The following MTUS2 variants were observed in gnomAD, a reference collection of about 807,000 sequenced individuals.
The protein encoded by MTUS2 is microtubule associated scaffold protein 2.
MTUS2 carries 40 observed loss-of-function variants against 114.1 expected under a neutral mutation model. That is an observed-to-expected ratio of 0.35 (90% CI 0.27 to 0.46). The LOEUF (loss-of-function observed/expected upper bound fraction) is 0.46, where lower values mean the gene tolerates loss of function less well. MTUS2 is among the 20% of genes least tolerant of loss of function. MTUS2 has a pLI of 1.00. For missense variants in MTUS2, 1,679 were observed against 1,705.4 expected, an observed-to-expected ratio of 0.98 and a Z score of 0.27; for synonymous variants, 688 against 672.0, an observed-to-expected ratio of 1.02 and a Z score of -0.37.
intron 6 of MTUS2, among the ~76,000 whole-genome samples, chr13:29,301,226 T>C (rs1365756562): frequency 6.6e-6 from 1 of 152,144 alleles, no homozygotes; most frequent in African/African-American, 2.4e-5. Flanking sequence ...TGTTATTCTC[T>C]TGCCTAGGAC....
intron 5 of MTUS2, chr13:29,242,704 G>A (rs1460533115): frequency 1.3e-5 from 2 of 152,156 alleles, no homozygotes; most frequent in African/African-American, 2.4e-5. Context: ...GGATCCTAAA[G>A]ATGAAAAAAT....
At chr13:28,980,035 C>G (rs1027509833) in intron 2 of MTUS2, among the ~76,000 whole-genome samples, 3 of 152,086 alleles carry the variant, frequency 2.0e-5, no homozygotes, top group African/African-American at 7.2e-5. Context: ...AAGGAACTTT[C>G]TTATGCTTAG....
chr13:29,079,860 T>A (rs888587276), intron 4 of MTUS2, among the ~76,000 whole-genome samples: 1 of 152,174 alleles, frequency 6.6e-6, no homozygotes, highest in African/African-American at 2.4e-5. Flanking sequence ...TTTTTCAAGA[T>A]TATTTTGGCT....
chr13:29,431,458 A>T (rs1334971668), intron 8 of MTUS2, among the ~76,000 whole-genome samples: 1 of 152,204 alleles, frequency 6.6e-6, no homozygotes, highest in Non-Finnish European at 1.5e-5. Flanking sequence ...CAGAGAACTT[A>T]TAAGTGGGTA....
Position 29,281,821 on chromosome 13 carries a change from G to A in MTUS2, c.2762G>A (p.Arg921His), listed in dbSNP as rs989808191. The change falls in exon 6 of 16, where the codon CGC (arginine) becomes CAC (histidine). Residue 921 changes from arginine to histidine, a missense_variant. By Grantham distance (29) the Arg-to-His change is conservative. This residue lies in a region of MTUS2 where 822 missense variants were observed against 899.7 expected (regional missense o/e 0.91). Coordinates refer to ENST00000612955, the MANE Select transcript of MTUS2 (RefSeq NM_001033602.4). ...PPASSSVTAP[R>H]RSLLPAPKST... is the part of the protein sequence containing the mutation. The stretch of plus-strand genomic sequence containing the variant: ...GCATCCTCCAGTGTGACAGCACCCC[G>A]CAGGAGTTTACTTCCAGCGCCAAAA... 1.1e-5 allele frequency: 18 copies of A among 1,609,016 alleles called. No individual in the cohort carries two copies. The highest frequency in any genetic ancestry group is 2.2e-5 in the South Asian group (2 of 90,750).
chr13:28,957,026 G>C (rs1413450740), intron 2 of MTUS2, among the ~76,000 whole-genome samples: 1 of 152,192 alleles, frequency 6.6e-6, no homozygotes, highest in Non-Finnish European at 1.5e-5. Flanking sequence ...AAGGAAGAAG[G>C]CTGCCCTAGA....
At chr13:29,225,379 A>G (rs1245527033) in intron 5 of MTUS2, among the ~76,000 whole-genome samples, 2 of 152,256 alleles carry the variant, frequency 1.3e-5, no homozygotes, top group Non-Finnish European at 2.9e-5. Context: ...GATTTAAAAA[A>G]ATAATTTCCA....
intron 9 of MTUS2, among the ~76,000 whole-genome samples, chr13:29,461,860 G>A (rs867853286): frequency 1.3e-5 from 2 of 152,296 alleles, no homozygotes; most frequent in Non-Finnish European, 2.9e-5. Context: ...TGGCTAAGGC[G>A]CTCTATGGAC....
intron 5 of MTUS2, among the ~76,000 whole-genome samples, chr13:29,271,536 T>C (rs1897881701): frequency 6.6e-6 from 1 of 152,170 alleles, no homozygotes; most frequent in Non-Finnish European, 1.5e-5. Context: ...CATATCCCCT[T>C]GGGCTGAGCT....
At chr13:28,967,211 T>C (rs965810976) in intron 2 of MTUS2, among the ~76,000 whole-genome samples, 1 of 152,186 alleles carries the variant, frequency 6.6e-6, no homozygotes, top group African/African-American at 2.4e-5. Flanking sequence ...ACAAAATAAA[T>C]TTAACTTCTT....
At chr13:29,417,869 C>T (rs1875779658) in intron 8 of MTUS2, among the ~76,000 whole-genome samples, 1 of 152,088 alleles carries the variant, frequency 6.6e-6, no homozygotes, top group African/African-American at 2.4e-5. Flanking sequence ...TCTGTATCTG[C>T]TTATTCAGTT....
At chr13:29,215,474 GTT>G (rs71090232) in intron 5 of MTUS2, among the ~76,000 whole-genome samples, 8,253 of 129,756 alleles carry the variant, frequency 0.064, 281 homozygotes, top group South Asian at 0.1. Flanking sequence ...TTTTTTTGCT[GTT>G]TTTTTTTTTT....
chr13:29,181,610 T>C (rs1894007583), intron 5 of MTUS2, among the ~76,000 whole-genome samples: 1 of 152,182 alleles, frequency 6.6e-6, no homozygotes, highest in Admixed American at 6.5e-5. Context: ...GAGATTTGTT[T>C]AATATATATG....
At chr13:29,064,924 A>T (rs1343074997) in intron 4 of MTUS2, among the ~76,000 whole-genome samples, 1 of 152,212 alleles carries the variant, frequency 6.6e-6, no homozygotes, top group Admixed American at 6.5e-5. Flanking sequence ...AGTGACCTCT[A>T]GCTCCATCCA....
At chr13:29,132,360 A>T (rs754205423) in intron 5 of MTUS2, among the ~76,000 whole-genome samples, 52 of 152,148 alleles carry the variant, frequency 3.4e-4, no homozygotes, top group Non-Finnish European at 5.9e-4. Flanking sequence ...CATGTTTGTT[A>T]TTGTGGTAGA....
At chr13:28,963,547 T>C (rs1383044822) in intron 2 of MTUS2, among the ~76,000 whole-genome samples, 3 of 152,208 alleles carry the variant, frequency 2.0e-5, no homozygotes, top group Non-Finnish European at 2.9e-5. Context: ...ATATATAGTG[T>C]ATCTCTGTGT....
At chr13:28,986,784 A>G (rs1003304400) in intron 2 of MTUS2, among the ~76,000 whole-genome samples, 1 of 152,202 alleles carries the variant, frequency 6.6e-6, no homozygotes, top group African/African-American at 2.4e-5. Context: ...TCCACTAGGG[A>G]GCCACTGGTC....
intron 6 of MTUS2, 121 bp from the exon 7 acceptor site, chr13:29,324,492 C>G: frequency 1.5e-6 from 1 of 677,184 alleles, no homozygotes; most frequent in African/African-American, 1.8e-5. Context: ...ACAAATCACC[C>G]AAATATTTCT....
chr13:29,061,235 T>C (rs1225613598), intron 4 of MTUS2, among the ~76,000 whole-genome samples: 3 of 152,202 alleles, frequency 2.0e-5, no homozygotes, highest in Non-Finnish European at 4.4e-5. Context: ...ATTAGTTTGA[T>C]TCTTTCAAGG....
Sources: allele counts gnomAD v4.1 joint callset (sites outside exome capture counted in the v4.1 genomes callset), GRCh38; gene constraint gnomAD v4.1.1; regional missense constraint gnomAD v4.1.1; transcripts MANE v1.5; gene names NCBI Gene and HGNC (gene_info 2026-07-23, HGNC 2026-07-21).